The following STARD9 variants were observed in gnomAD, a reference collection of about 807,000 sequenced individuals.
The protein encoded by STARD9 is stAR-related lipid transfer protein 9.
STARD9 carries 346 observed loss-of-function variants against 399.8 expected under a neutral mutation model. That is an observed-to-expected ratio of 0.87 (90% CI 0.79 to 0.95). STARD9 has a LOEUF of 0.95. Ranked by LOEUF, STARD9 falls within the 40% of genes least tolerant of loss-of-function variation. The pLI, the probability that STARD9 is intolerant of heterozygous loss-of-function variation, is 0.00. For missense variants in STARD9, 5,832 were observed against 5,667.5 expected (o/e 1.03, Z -0.93); for synonymous variants, 2,203 against 2,143.5 (o/e 1.03, Z -0.77).
chr15:42,588,918 G>A (rs147737228), intron 3 of STARD9, among the ~76,000 whole-genome samples: 1,514 of 150,024 alleles, frequency 0.01, 33 homozygotes, highest in African/African-American at 0.036. Context: ...GGGTTCCAGC[G>A]ATTCTTGTGC....
chr15:42,687,831 G>A lies in STARD9; in HGVS notation c.6253G>A (p.Val2085Met), dbSNP rs2060598926. 1.3e-6 allele frequency: 2 copies of A among 1,537,416 alleles called. No homozygotes were observed. The highest frequency in any genetic ancestry group is 1.4e-5 in the African/African-American group (1 of 73,172). ...CACACCAGGAACCGATAAGGAGTTG[G>A]TGTTCCAGGACCAGAAGGAGCAGGA... ...SHTPGTDKEL[V>M]FQDQKEQEKT... Residue 2085 changes from valine to methionine, a missense_variant, in exon 23 of 33, where the codon GTG (valine) becomes ATG (methionine). By Grantham distance (21) the Val-to-Met change is conservative. Around this residue, in one of 2 missense-constraint regions of STARD9, gnomAD observed 5,828 missense variants for 5,651.1 expected, o/e 1.03. Coordinates refer to ENST00000290607, the MANE Select transcript of STARD9 (RefSeq NM_020759.3).
At chr15:42,616,127 TTAA>T (rs774646483) in intron 3 of STARD9, among the ~76,000 whole-genome samples, 2 of 152,210 alleles carry the variant, frequency 1.3e-5, no homozygotes, top group Admixed American at 6.5e-5. Flanking sequence ...TTCTACTCAT[TTAA>T]TAATGGCCAT....
At chr15:42,598,350 A>G (rs1254252966) in intron 3 of STARD9, among the ~76,000 whole-genome samples, 1 of 151,596 alleles carries the variant, frequency 6.6e-6, no homozygotes, top group African/African-American at 2.4e-5. Flanking sequence ...TTTTTAATGT[A>G]GTCAAATTTA....
intron 9 of STARD9, among the ~76,000 whole-genome samples, chr15:42,656,888 C>G (rs914992717): frequency 7.2e-5 from 11 of 152,070 alleles, no homozygotes; most frequent in Non-Finnish European, 4.4e-5. Context: ...GGATAAAAGA[C>G]TACACATTGG....
rs750472991 is a variant in STARD9 at position 42,684,555 on chromosome 15, G to A, written c.2977G>A (p.Glu993Lys). The stretch of plus-strand genomic sequence containing the variant: ...CCACACACAAGCTGGGTGGCGAAAA[G>A]AAGGGAACCTTGGGACCCACAAGGC... The part of the protein sequence containing the change: ...PSHTQAGWRK[E>K]GNLGTHKAAK... Residue 993 changes from glutamate (E) to lysine (K), a missense_variant, in exon 23 of 33, where the codon GAA becomes AAA. This residue lies in a region of STARD9 where 5,828 missense variants were observed against 5,651.1 expected (regional missense o/e 1.03). Coordinates refer to ENST00000290607, the MANE Select transcript of STARD9 (RefSeq NM_020759.3). 87 of 1,537,248 alleles carry A rather than the reference G, an allele frequency of 5.7e-5. 2 individuals are homozygous for A. The South Asian group carries it at 8.7e-4, about 15-fold the overall frequency.
At chr15:42,708,849 T>A (rs1468444035) in intron 26 of STARD9, among the ~76,000 whole-genome samples, 1 of 152,154 alleles carries the variant, frequency 6.6e-6, no homozygotes. Flanking sequence ...GCAAAAAAAA[T>A]ACCATAGAAG....
intron 7 of STARD9, among the ~76,000 whole-genome samples, chr15:42,647,997 C>A (rs1595702606): frequency 2.0e-5 from 3 of 152,166 alleles, no homozygotes; most frequent in Admixed American, 2.0e-4. Context: ...ACCTTTTGGA[C>A]CTTATAAGAC....
At chr15:42,625,909 T>C (rs571444533) in intron 3 of STARD9, among the ~76,000 whole-genome samples, 66 of 152,072 alleles carry the variant, frequency 4.3e-4, no homozygotes, top group Non-Finnish European at 7.8e-4. Context: ...AAAGAGTTAT[T>C]ATTATTATTA....
intron 9 of STARD9, among the ~76,000 whole-genome samples, chr15:42,655,824 A>G (rs548604256): frequency 4.6e-5 from 7 of 152,332 alleles, no homozygotes; most frequent in South Asian, 2.1e-4. Flanking sequence ...TTTGCAATCT[A>G]TGCATCCTAC....
Position 42,692,085 on chromosome 15 carries a change from C to A in STARD9, c.10507C>A (p.Leu3503Met), listed in dbSNP as rs780384254. Residue 3503 changes from leucine (L) to methionine (M), a missense_variant, in exon 23 of 33, where the codon CTG (leucine) becomes ATG (methionine). Physicochemically the swap from Leu to Met is conservative, Grantham distance 15. This residue lies in a region of STARD9 where 5,828 missense variants were observed against 5,651.1 expected (regional missense o/e 1.03). Transcript: ENST00000290607. The part of the protein sequence containing the change: ...DVSCSQKPQG[L>M]TLSNVARCSS... ...TTCCTGCAGCCAGAAGCCCCAGGGG[C>A]TGACACTATCAAATGTGGCCCGGTG... The A allele has an allele frequency of 6.5e-7, 1 of 1,537,216 alleles. No individual in the cohort carries two copies.
rs2060608127 is a variant in STARD9 at position 42,688,200 on chromosome 15, A to G, written c.6622A>G (p.Arg2208Gly). Residue 2208 changes from arginine to glycine, a missense_variant, in exon 23 of 33, where the codon AGA (arginine) becomes GGA (glycine). Physicochemically the swap from Arg to Gly is moderately radical, Grantham distance 125. This residue lies in a region of STARD9 where 5,828 missense variants were observed against 5,651.1 expected (regional missense o/e 1.03). Coordinates refer to ENST00000290607, the MANE Select transcript of STARD9 (RefSeq NM_020759.3). Reference protein sequence around the residue: ...LHPQRMKALARALPLQPRLER... With the variant: ...LHPQRMKALAGALPLQPRLER... ...CCCACAGAGAATGAAAGCATTGGCT[A>G]GAGCTCTGCCATTGCAACCCAGGCT... The G allele has an allele frequency of 2.0e-6, 3 of 1,537,378 alleles. No homozygotes were observed. Among genetic ancestry groups the G allele is most frequent in the South Asian group, 1.2e-5 (1 of 84,066 alleles).
At chr15:42,618,804 C>A (rs1008531396) in intron 3 of STARD9, among the ~76,000 whole-genome samples, 1 of 151,964 alleles carries the variant, frequency 6.6e-6, no homozygotes, top group African/African-American at 2.4e-5. Context: ...ACCATCTTGA[C>A]CTTGTGATCC....
intron 11 of STARD9, 40 bp from the exon 12 acceptor site, chr15:42,663,241 A>C: frequency 1.4e-6 from 2 of 1,479,668 alleles, no homozygotes; most frequent in Non-Finnish European, 9.1e-7. Flanking sequence ...TTTGCTTCAT[A>C]ATTCCTTCTT....
rs1566939187 is a variant in STARD9, at chr15:42,687,523, AAAAAGGTCT to A, written c.5946_5954del (p.Glu1982_Leu1985delinsAsp). On this transcript the variant is annotated inframe_deletion, in exon 23 of 33. Transcript: ENST00000290607. Reference sequence around the variant, plus strand: ...GGGAAAAATGAAACTGGGCTTCTTGAAAAAGGTCTTCGTCCCAAAGATAGCTCAGAAGAG... The same window carrying A: ...GGGAAAAATGAAACTGGGCTTCTTGATCGTCCCAAAGATAGCTCAGAAGAG... 5.2e-6 allele frequency: 8 copies of A among 1,536,740 alleles called. No individual in the cohort carries two copies. Among genetic ancestry groups the A allele is most frequent in the Non-Finnish European group, 6.1e-6 (7 of 1,146,708 alleles).
chr15:42,695,962 G>A (rs2060838381), intron 26 of STARD9, 82 bp downstream of exon 26: 1 of 1,433,790 alleles, frequency 7.0e-7, no homozygotes, highest in Admixed American at 2.4e-5. Flanking sequence ...GCCTCCTGGA[G>A]TTTGGGCAAG....
At chr15:42,581,809 A>G (rs111612014) in intron 1 of STARD9, among the ~76,000 whole-genome samples, 262 of 152,328 alleles carry the variant, frequency 1.7e-3, no homozygotes, top group African/African-American at 6.2e-3. Context: ...ATACATTACA[A>G]CAATCTTTAT....
At chr15:42,697,110 A>T (rs536526397) in intron 26 of STARD9, among the ~76,000 whole-genome samples, 1 of 152,254 alleles carries the variant, frequency 6.6e-6, no homozygotes, top group South Asian at 2.1e-4. Context: ...GCAGTCATTT[A>T]CCCCAGTTTG....
intron 3 of STARD9, among the ~76,000 whole-genome samples, chr15:42,623,495 G>A (rs60753136): frequency 0.1 from 15,965 of 152,200 alleles, 2,488 homozygotes; most frequent in African/African-American, 0.34. Context: ...TCAGTGTCCT[G>A]TGTGGTGCTG....
intron 3 of STARD9, among the ~76,000 whole-genome samples, chr15:42,593,859 G>T (rs542043962): frequency 6.6e-6 from 1 of 151,398 alleles, no homozygotes; most frequent in African/African-American, 2.4e-5. Flanking sequence ...TAGTAGAGAC[G>T]GGGTTTCTCC....
Sources: allele counts gnomAD v4.1 joint callset (sites outside exome capture counted in the v4.1 genomes callset), GRCh38; gene constraint gnomAD v4.1.1; regional missense constraint gnomAD v4.1.1; transcripts MANE v1.5; gene names NCBI Gene and HGNC (gene_info 2026-07-23, HGNC 2026-07-21).